TUFM: variants seen among roughly 807,000 people sequenced by gnomAD.
TUFM encodes elongation factor Tu, mitochondrial.
A neutral mutation model predicts 45.0 loss-of-function variants in TUFM; 23 were observed. The observed-to-expected ratio is 0.51, with a 90% CI of 0.37 to 0.72. TUFM has a LOEUF of 0.72. Among genes scored for constraint, TUFM ranks in the 30% least tolerant of loss-of-function variants. The pLI, the probability that TUFM is intolerant of heterozygous loss-of-function variation, is 0.00. For synonymous variants in TUFM, 243 were observed against 252.9 expected (o/e 0.96, Z 0.37); for missense variants, 490 against 610.7 (o/e 0.80, Z 2.08).
Position 28,843,809 on chromosome 16 carries a change from A to G in TUFM, c.1121T>C (p.Val374Ala). 1 of 1,614,170 alleles carries G rather than the reference A, an allele frequency of 6.2e-7. No individual in the cohort carries two copies. The highest frequency in any genetic ancestry group is 8.5e-7 in the Non-Finnish European group (1 of 1,180,036). ...GAACATGACAGGCATGAAGTGGGAC[A>G]CAAAGGGCTTGTGGCGGCCACCTTC... The part of the protein sequence containing the change: ...KEEGGRHKPF[V>A]SHFMPVMFSL... Residue 374 changes from valine to alanine, a missense_variant, in exon 9 of 10, where the codon GTG becomes GCG. Val to Ala is a moderately conservative substitution (Grantham distance 64, BLOSUM62 0). Transcript: ENST00000313511.
At position 28,846,280 on chromosome 16, in the gene TUFM, C is replaced by G. The variant is rs374213688; in HGVS notation, c.-11G>C. On this transcript the variant is annotated 5_prime_UTR_variant, in exon 1 of 10. Transcript: ENST00000313511. ...CGCCATTGTGGTCATACTCGCGCCC[C>G]GGTAACCGGGGAGCCGGGACCAGGA... is the stretch of plus-strand genomic sequence containing the variant. 1.9e-6 allele frequency: 3 copies of G among 1,553,108 alleles called. No individual in the cohort carries two copies. The highest frequency in any genetic ancestry group is 1.2e-5 in the South Asian group (1 of 84,684).
At chr16:28,845,248 A>G (rs1237410606) in intron 3 of TUFM, 66 bp downstream of exon 3, 1 of 1,611,904 alleles carries the variant, frequency 6.2e-7, no homozygotes, top group Admixed American at 1.7e-5. Context: ...CCTCCCCACA[A>G]GCCTAACATT....
chr16:28,845,564 C>T, intron 2 of TUFM, 84 bp from the exon 3 acceptor site: 1 of 1,518,558 alleles, frequency 6.6e-7, no homozygotes, highest in Admixed American at 1.7e-5. Flanking sequence ...ACCCTCCCAC[C>T]TAAATACATA....
Position 28,845,892 on chromosome 16 carries a change from G to C in TUFM, c.247+20C>G. 1 of 1,612,832 alleles carries C rather than the reference G, an allele frequency of 6.2e-7. No homozygotes were observed. The highest frequency in any genetic ancestry group is 1.1e-5 in the South Asian group (1 of 91,006). On this transcript the variant is annotated intron_variant, in intron 2 of 9. Transcript: ENST00000313511. ...CCCATCAGTAGATAGGGCGCTGCTG[G>C]ACGCCCCAACCCCACTCACTCTTCG...
Position 28,844,387 on chromosome 16 carries a change from A to G in TUFM, c.817+32T>C. ...GGACCCCGAGCTAGGCTTCTGCTAG[A>G]GAGAGTGCGTGGGAACAGACAGAGT... On this transcript the variant is annotated intron_variant, in intron 6 of 9. Transcript: ENST00000313511. The surrounding 1 kb of genome is among the most constrained non-coding windows in gnomAD (Gnocchi z 5.8). 6.2e-7 allele frequency: 1 copy of G among 1,614,186 alleles called. No homozygotes were observed. The highest frequency in any genetic ancestry group is 2.2e-5 in the East Asian group (1 of 44,890).
chr16:28,843,281 A>T, intron 9 of TUFM, 133 bp from the exon 10 acceptor site: 1 of 933,172 alleles, frequency 1.1e-6, no homozygotes, highest in Admixed American at 2.0e-5. Flanking sequence ...GGACAGCTTC[A>T]TCCATCCCAG....
At chr16:28,845,836 C>G (rs1009040233) in intron 2 of TUFM, 76 bp downstream of exon 2, 2 of 1,566,556 alleles carry the variant, frequency 1.3e-6, no homozygotes, top group Middle Eastern at 2.2e-4. Context: ...CCAGCAGACA[C>G]TCTGCTGGCC....
In TUFM at chr16:28,846,033, C is replaced by G; in HGVS notation, c.126G>C (p.Leu42Phe). ...RLLKAPALPLLCRGLAVEAKK... is the reference protein window; with the variant it reads ...RLLKAPALPLFCRGLAVEAKK... ...TGGCCTCCACGGCCAGGCCGCGGCA[C>G]AAGAGAGGCAATGCCGGGGCTTTCA... The change falls in exon 2 of 10, where the codon TTG becomes TTC. Residue 42 changes from leucine (L) to phenylalanine (F), a missense_variant. Physicochemically the swap from Leu to Phe is conservative, Grantham distance 22. Coordinates refer to ENST00000313511, the MANE Select transcript of TUFM (RefSeq NM_003321.5). 1.2e-6 allele frequency: 2 copies of G among 1,613,830 alleles called. No individual in the cohort carries two copies. The highest frequency in any genetic ancestry group is 8.5e-7 in the Non-Finnish European group (1 of 1,179,990).
Position 28,842,888 on chromosome 16 carries a change from A to T in TUFM, c.*87T>A. 2 of 1,553,896 alleles carry T rather than the reference A, an allele frequency of 1.3e-6. No homozygotes were observed. The highest frequency in any genetic ancestry group is 1.8e-6 in the Non-Finnish European group (2 of 1,128,486). ...GCTGCCCTCTGCTGGGTTGCAGCCT[A>T]TGCCATGAGAGGGTACTGGAAGCAG... On this transcript the variant is annotated 3_prime_UTR_variant, in exon 10 of 10. Transcript: ENST00000313511.
Position 28,842,681 on chromosome 16 carries a change from TA to T in TUFM, c.*293del. Reference sequence around the variant, plus strand: ...AGCTCACTGGACTTGATTTATCCGTTAAAACTGCTCTGGGATCTCACAAGCT... The same window carrying T: ...AGCTCACTGGACTTGATTTATCCGTTAAACTGCTCTGGGATCTCACAAGCT... On this transcript the variant is annotated 3_prime_UTR_variant, in exon 10 of 10. Transcript: ENST00000313511. The T allele has an allele frequency of 2.2e-6, 1 of 455,026 alleles. No individual in the cohort carries two copies. The highest frequency in any genetic ancestry group is 4.1e-6 in the Non-Finnish European group (1 of 244,854). The allele number at this position is 455,026 out of a possible 1,614,324, so 28.2% of individuals were successfully genotyped here.
In TUFM at chr16:28,845,536, C is replaced by T. The variant is rs905172228; in HGVS notation, c.248-56G>A. 25 of 1,607,602 alleles carry T rather than the reference C, an allele frequency of 1.6e-5. No individual in the cohort carries two copies. The East Asian group carries it at 5.1e-4, about 33-fold the overall frequency. On this transcript the variant is annotated intron_variant, in intron 2 of 9. Coordinates refer to ENST00000313511, the MANE Select transcript of TUFM (RefSeq NM_003321.5). ...TAAAGTTCCAGTGCTAGAGGCAGAG[C>T]TTAGACCACGCCCCTGAACCCTCCC...
At chr16:28,843,236 A>G in intron 9 of TUFM, 88 bp from the exon 10 acceptor site, 6 of 1,383,192 alleles carry the variant, frequency 4.3e-6, no homozygotes, top group Admixed American at 1.8e-5. Flanking sequence ...GTTAAGAGTC[A>G]TGGGAGAATG....
Position 28,845,364 on chromosome 16 carries a change from C to A in TUFM, c.364G>T (p.Ala122Ser). 3 of 1,613,230 alleles carry A rather than the reference C, an allele frequency of 1.9e-6. No individual in the cohort carries two copies. Among genetic ancestry groups the A allele is most frequent in the Non-Finnish European group, 1.7e-6 (2 of 1,179,950 alleles). The change falls in exon 3 of 10, where the codon GCC (alanine) becomes TCC (serine). Residue 122 changes from alanine to serine, a missense_variant. Transcript: ENST00000313511. ...NAAHVEYSTA[A>S]RHYAHTDCPG... ...CAGTCTGTGTGGGCGTAGTGGCGGG[C>A]GGCAGTGCTATACTCCACATGAGCC...
rs773330749 is a variant in TUFM at position 28,844,281 on chromosome 16, C to T, written c.871G>A (p.Asp291Asn). Residue 291 changes from aspartate (D) to asparagine (N), a missense_variant, in exon 7 of 10, where the codon GAC (aspartate) becomes AAC (asparagine). Asp to Asn is a conservative substitution (Grantham distance 23). Coordinates refer to ENST00000313511, the MANE Select transcript of TUFM (RefSeq NM_003321.5). This position sits in a 1 kb window ranked among gnomAD's most constrained non-coding sequence, Gnocchi z 5.8. ...CTATGTCCTAGGAGCTCACACTCGT[C>T]TCCCTTCTTTAAAATGCCACGCTCT... is the stretch of plus-strand genomic sequence containing the variant. ...TLERGILKKG[D>N]ECELLGHSKN... is the part of the protein sequence containing the mutation. 1.1e-5 allele frequency: 18 copies of T among 1,614,112 alleles called. No individual in the cohort carries two copies. Among genetic ancestry groups the T allele is most frequent in the East Asian group, 2.2e-5 (1 of 44,900 alleles).
rs946880574 is a variant in TUFM, at chr16:28,843,671, A to G, written c.1194+65T>C. ...GTTGTCACAGTGTATCTTTGGAACT[A>G]TGAGTGAAGCAAAGGTAATATAAAA... On this transcript the variant is annotated intron_variant, in intron 9 of 9. Transcript: ENST00000313511. 2.0e-5 allele frequency: 32 copies of G among 1,604,316 alleles called. No individual in the cohort carries two copies. The Middle Eastern group carries it at 2.0e-3, about 101-fold the overall frequency.
chr16:28,843,643 C>G, intron 9 of TUFM, 93 bp downstream of exon 9: 1 of 1,563,700 alleles, frequency 6.4e-7, no homozygotes, highest in Non-Finnish European at 8.7e-7. Flanking sequence ...TAAAGCCACT[C>G]GGGTTGTCAC....
rs8754 is a variant in TUFM at position 28,842,951 on chromosome 16, G to A, written c.*24C>T. The A allele has an allele frequency of 4.6e-3, 7,348 of 1,613,506 alleles. 316 individuals are homozygous for A. The African/African-American group carries it at 0.087, about 19-fold the overall frequency. The stretch of plus-strand genomic sequence containing the variant: ...GCTAGGGCAGGCCTTAAACGCAAGG[G>A]AAGCTGAGCAGAGATCTGCACACTC... On this transcript the variant is annotated 3_prime_UTR_variant, in exon 10 of 10. Coordinates refer to ENST00000313511, the MANE Select transcript of TUFM (RefSeq NM_003321.5).
chr16:28,842,776 A>G lies in TUFM; in HGVS notation c.*199T>C. Reference sequence around the variant, plus strand: ...CCTCTCCAATTTGCACAAAGGACACAGGACACAGGCTGGCTTACTATTCAA... The same window carrying G: ...CCTCTCCAATTTGCACAAAGGACACGGGACACAGGCTGGCTTACTATTCAA... On this transcript the variant is annotated 3_prime_UTR_variant, in exon 10 of 10. Transcript: ENST00000313511. 1.4e-6 allele frequency: 1 copy of G among 696,186 alleles called. No individual in the cohort carries two copies. Among genetic ancestry groups the G allele is most frequent in the Non-Finnish European group, 2.5e-6 (1 of 394,960 alleles). The allele number at this position is 696,186 out of a possible 1,614,324, so 43.1% of individuals were successfully genotyped here.
At chr16:28,845,203 G>A in intron 3 of TUFM, 111 bp downstream of exon 3, 1 of 1,590,030 alleles carries the variant, frequency 6.3e-7, no homozygotes, top group South Asian at 1.1e-5. Flanking sequence ...CCACAAACCT[G>A]CCATCTCATA....
Sources: allele counts gnomAD v4.1 joint callset, GRCh38; gene constraint gnomAD v4.1.1; non-coding constraint Gnocchi (gnomAD v3.1); transcripts MANE v1.5; gene names NCBI Gene and HGNC (gene_info 2026-07-23, HGNC 2026-07-21).